Variants in ATG7 observed in about 807,000 individuals in gnomAD.
ATG7 encodes ubiquitin-like modifier-activating enzyme ATG7.
In ATG7, 70 loss-of-function variants were observed where a neutral mutation model predicts 82.4. The observed-to-expected ratio is 0.85, with a 90% confidence interval of 0.70 to 1.04. ATG7 has a LOEUF of 1.04. ATG7 is among the 50% of genes least tolerant of loss of function. ATG7 has a pLI of 0.00. For missense variants in ATG7, 792 were observed against 864.3 expected, an observed-to-expected ratio of 0.92 and a Z score of 1.05; for synonymous variants, 287 against 313.0, an observed-to-expected ratio of 0.92 and a Z score of 0.88.
intron 20 of ATG7, among the ~76,000 whole-genome samples, chr3:11,537,760 T>C (rs2070442147): frequency 6.6e-6 from 1 of 152,190 alleles, no homozygotes; most frequent in Non-Finnish European, 1.5e-5. Context: ...TGCTTTCCAG[T>C]TGTTTTATGT....
intron 20 of ATG7, among the ~76,000 whole-genome samples, chr3:11,463,393 C>A (rs1272505633): frequency 2.6e-5 from 4 of 152,178 alleles, no homozygotes; most frequent in Non-Finnish European, 5.9e-5. Context: ...TCAGAATGGT[C>A]TGCTAAACCT....
chr3:11,395,695 CT>C (rs1444091937), intron 19 of ATG7, among the ~76,000 whole-genome samples: 1 of 152,108 alleles, frequency 6.6e-6, no homozygotes, highest in African/African-American at 2.4e-5. Context: ...AATCCCAGCA[CT>C]TTGGGAGGCC....
intron 20 of ATG7, 98 bp from the exon 21 acceptor site, chr3:11,554,713 G>A: frequency 7.0e-7 from 1 of 1,431,836 alleles, no homozygotes; most frequent in Non-Finnish European, 9.6e-7. Flanking sequence ...TGGTTCTGCA[G>A]GTGGGAGCTG....
intron 20 of ATG7, among the ~76,000 whole-genome samples, chr3:11,549,150 A>C (rs1452365784): frequency 1.3e-5 from 2 of 152,170 alleles, no homozygotes; most frequent in African/African-American, 4.8e-5. Context: ...GAGTTGTGAC[A>C]AATTATCTAC....
intron 20 of ATG7, among the ~76,000 whole-genome samples, chr3:11,489,687 C>T (rs1485074707): frequency 2.0e-5 from 3 of 146,902 alleles, no homozygotes; most frequent in East Asian, 2.0e-4. Context: ...TCTTTGTTCT[C>T]GTTGGTTTCA....
intron 20 of ATG7, among the ~76,000 whole-genome samples, chr3:11,521,188 G>T (rs1391883473): frequency 1.3e-5 from 2 of 151,536 alleles, no homozygotes; most frequent in Admixed American, 6.5e-5. Context: ...GCCCTAGGCA[G>T]CCATTGGTTG....
chr3:11,319,197 A>G (rs1949870846), intron 9 of ATG7, among the ~76,000 whole-genome samples: 1 of 152,214 alleles, frequency 6.6e-6, no homozygotes, highest in Non-Finnish European at 1.5e-5. Context: ...ATTTCTAGAC[A>G]TCATTTTCAG....
rs533336690 is a variant in ATG7 at position 11,521,709 on chromosome 3, C to T, written c.2080-33102C>T. Among the ~76,000 whole-genome samples the T allele has an allele frequency of 5.3e-5, 8 of 152,158 alleles. No homozygotes were observed. In the East Asian group the frequency reaches 7.7e-4, roughly 15 times the overall value. ...CTGGGATTACAGGCGCCTGCCACCA[C>T]GCCTGGCTAATTTTTTGTATTTTTA... On this transcript the variant is annotated intron_variant, in intron 20 of 20. Coordinates refer to ENST00000693202, the MANE Select transcript of ATG7 (RefSeq NM_001349232.2).
chr3:11,297,503 C>A (rs1353917301), intron 3 of ATG7, among the ~76,000 whole-genome samples: 1 of 152,064 alleles, frequency 6.6e-6, no homozygotes, highest in Non-Finnish European at 1.5e-5. Context: ...TATTGTCCTT[C>A]TCAAACTGGG....
intron 20 of ATG7, among the ~76,000 whole-genome samples, chr3:11,513,828 G>A (rs768815984): frequency 2.0e-5 from 3 of 152,238 alleles, no homozygotes; most frequent in Non-Finnish European, 4.4e-5. Flanking sequence ...TTTATGAAAC[G>A]TAGAGAGCAT....
At position 11,556,228 on chromosome 3, in the gene ATG7, G is replaced by A. The variant is rs2072392340; in HGVS notation, c.*1385G>A. Reference sequence around the variant, plus strand: ...GAAGAGAAGGTCAGAGCGCACTGCAGGCAGCGCGGCTCTGGGAAGAACTTC... The same window carrying A: ...GAAGAGAAGGTCAGAGCGCACTGCAAGCAGCGCGGCTCTGGGAAGAACTTC... On this transcript the variant is annotated 3_prime_UTR_variant, in exon 21 of 21. Transcript: ENST00000693202. The A allele has an allele frequency of 6.6e-6, 1 of 152,632 alleles. No individual in the cohort carries two copies. Among genetic ancestry groups the A allele is most frequent in the South Asian group, 2.1e-4 (1 of 4,826 alleles). The allele number at this position is 152,632 out of a possible 1,614,324, so 9.5% of individuals were successfully genotyped here.
At chr3:11,518,252 A>C (rs776937233) in intron 20 of ATG7, among the ~76,000 whole-genome samples, 1 of 70,758 alleles carries the variant, frequency 1.4e-5, no homozygotes, top group Non-Finnish European at 3.6e-5. Flanking sequence ...CTGTATTGAA[A>C]AACCTGAGCC....
At chr3:11,550,645 G>A (rs1424784372) in intron 20 of ATG7, among the ~76,000 whole-genome samples, 2 of 152,030 alleles carry the variant, frequency 1.3e-5, no homozygotes, top group Non-Finnish European at 2.9e-5. Context: ...TGATCCTCCC[G>A]CCTCAGCCTC....
At chr3:11,364,241 A>C (rs993759635) in intron 17 of ATG7, among the ~76,000 whole-genome samples, 8 of 152,248 alleles carry the variant, frequency 5.3e-5, no homozygotes, top group Admixed American at 3.9e-4. Context: ...TTTCCACTTC[A>C]AATTTTCAGT....
intron 14 of ATG7, among the ~76,000 whole-genome samples, chr3:11,353,859 A>G (rs1469298537): frequency 1.3e-5 from 2 of 152,196 alleles, no homozygotes; most frequent in African/African-American, 4.8e-5. Flanking sequence ...ATTGCTTCAA[A>G]TATTCCTTTA....
intron 20 of ATG7, among the ~76,000 whole-genome samples, chr3:11,503,995 A>T (rs866819473): frequency 6.6e-6 from 1 of 152,126 alleles, no homozygotes. Context: ...GCCAGAAAAA[A>T]TAAGGAAGAA....
intron 20 of ATG7, among the ~76,000 whole-genome samples, chr3:11,526,118 C>T (rs112020700): frequency 2.1e-3 from 322 of 152,228 alleles, no homozygotes; most frequent in African/African-American, 7.1e-3. Context: ...GGGCCAGGCA[C>T]CATGGTTCAT....
intron 11 of ATG7, among the ~76,000 whole-genome samples, chr3:11,339,294 T>TAAAAAAAAAAA (rs1559425643): frequency 2.7e-5 from 2 of 73,186 alleles, no homozygotes; most frequent in Non-Finnish European, 5.4e-5. Context: ...AGACTCTGTT[T>TAAAAAAAAAAA]CAAAAAAAAA....
At chr3:11,413,736 C>G (rs1273729753) in intron 19 of ATG7, among the ~76,000 whole-genome samples, 1 of 152,192 alleles carries the variant, frequency 6.6e-6, no homozygotes, top group African/African-American at 2.4e-5. Context: ...CAGGCTACTG[C>G]TGGCCTCATA....
Sources: allele counts gnomAD v4.1 joint callset (sites outside exome capture counted in the v4.1 genomes callset), GRCh38; gene constraint gnomAD v4.1.1; transcripts MANE v1.5; gene names NCBI Gene and HGNC (gene_info 2026-07-23, HGNC 2026-07-21).